MAF: variants seen among roughly 807,000 people sequenced by gnomAD.
MAF encodes the protein transcription factor Maf.
In MAF, 10 loss-of-function variants were observed where a neutral mutation model predicts 22.0. The ratio of observed to expected loss-of-function variants is 0.45; its 90% CI spans 0.28 to 0.77. The LOEUF is 0.77. MAF is among the 30% of genes least tolerant of loss of function. The pLI, the probability that MAF is intolerant of heterozygous loss-of-function variation, is 0.12. For synonymous variants in MAF, 337 were observed against 255.8 expected (o/e 1.32, Z -3.03); for missense variants, 544 against 548.4 (o/e 0.99, Z 0.08).
chr16:79,446,045 G>C, the MAF span, among the ~76,000 whole-genome samples: 2 of 151,692 alleles, frequency 1.3e-5, no homozygotes, highest in East Asian at 3.9e-4. Context: ...GAAATTGAAA[G>C]AAAGAAAAGA....
the MAF span, among the ~76,000 whole-genome samples, chr16:79,337,664 T>C: frequency 3.3e-5 from 5 of 152,182 alleles, no homozygotes; most frequent in African/African-American, 1.2e-4. Flanking sequence ...TCAAACATGA[T>C]TGTTAGGGGT....
chr16:79,341,127 C>G, the MAF span, among the ~76,000 whole-genome samples: 3 of 151,946 alleles, frequency 2.0e-5, no homozygotes, highest in Admixed American at 6.6e-5. Flanking sequence ...GGTGTGGGCA[C>G]ACAGTGGGCT....
the MAF span, among the ~76,000 whole-genome samples, chr16:79,414,198 T>A: frequency 6.6e-6 from 1 of 152,328 alleles, no homozygotes. Flanking sequence ...TGGTCCATTT[T>A]GTGTTGCTAC....
At chr16:79,504,305 C>T in the MAF span, among the ~76,000 whole-genome samples, 2 of 152,222 alleles carry the variant, frequency 1.3e-5, no homozygotes. Context: ...CTCCACCTGA[C>T]ACCAACTACC....
At chr16:79,262,602 T>C in the MAF span, among the ~76,000 whole-genome samples, 91 of 152,192 alleles carry the variant, frequency 6.0e-4, no homozygotes, top group Admixed American at 3.2e-3. Flanking sequence ...GTTCACAGCA[T>C]GGAAATGAGA....
At chr16:79,260,504 T>TATATCTATATCC in the MAF span, among the ~76,000 whole-genome samples, 1 of 151,946 alleles carries the variant, frequency 6.6e-6, no homozygotes, top group Non-Finnish European at 1.5e-5. Context: ...TATCTATATC[T>TATATCTATATCC]ATATATTTGT....
the MAF span, among the ~76,000 whole-genome samples, chr16:79,558,025 C>T: frequency 6.6e-6 from 1 of 151,772 alleles, no homozygotes; most frequent in East Asian, 1.9e-4. Context: ...ACACCAGCTT[C>T]TCTCATGCAC....
At chr16:79,485,703 C>A in the MAF span, among the ~76,000 whole-genome samples, 1 of 152,190 alleles carries the variant, frequency 6.6e-6, no homozygotes, top group East Asian at 1.9e-4. Context: ...TGCAATGTGT[C>A]TTCTCTGAGC....
the MAF span, among the ~76,000 whole-genome samples, chr16:79,356,347 T>C: frequency 1.8e-3 from 277 of 152,272 alleles, 4 homozygotes; most frequent in African/African-American, 6.3e-3. Context: ...CACATCATCA[T>C]CTCGGGTGTC....
chr16:79,450,241 T>C, the MAF span, among the ~76,000 whole-genome samples: 1 of 152,206 alleles, frequency 6.6e-6, no homozygotes, highest in Admixed American at 6.5e-5. Flanking sequence ...GTACAATTTA[T>C]AAAATTGTGA....
At chr16:79,516,825 G>A in the MAF span, among the ~76,000 whole-genome samples, 1 of 121,078 alleles carries the variant, frequency 8.3e-6, no homozygotes, top group Non-Finnish European at 1.7e-5. Context: ...GAAAGACAGA[G>A]CTAACGTCTC....
At chr16:79,571,530 A>ATTTTTTTTTTTTTTTTTTTTTTTTTT in the MAF span, among the ~76,000 whole-genome samples, 4 of 103,884 alleles carry the variant, frequency 3.9e-5, no homozygotes, top group African/African-American at 1.5e-4. Context: ...TCTCAGCGGA[A>ATTTTTTTTTTTTTTTTTTTTTTTTTT]TTTTTTTTTT....
At chr16:79,385,703 T>C in the MAF span, among the ~76,000 whole-genome samples, 1 of 152,088 alleles carries the variant, frequency 6.6e-6, no homozygotes, top group African/African-American at 2.4e-5. Context: ...GAGTTCAAGA[T>C]GAGCCTGGCC....
At chr16:79,466,010 G>C in the MAF span, among the ~76,000 whole-genome samples, 75 of 152,278 alleles carry the variant, frequency 4.9e-4, no homozygotes, top group African/African-American at 1.7e-3. Flanking sequence ...TTGAATAAAA[G>C]GATGAATGAA....
the MAF span, among the ~76,000 whole-genome samples, chr16:79,345,718 C>A: frequency 1.1e-5 from 1 of 94,172 alleles, no homozygotes; most frequent in Non-Finnish European, 1.9e-5. Context: ...CAGAGCAAGA[C>A]TCCGTCTCAA....
chr16:79,371,646 C>A, the MAF span, among the ~76,000 whole-genome samples: 1 of 152,272 alleles, frequency 6.6e-6, no homozygotes, highest in Non-Finnish European at 1.5e-5. Context: ...AATGCCTTTC[C>A]CTAAAAACCC....
At chr16:79,448,438 G>A in the MAF span, among the ~76,000 whole-genome samples, 3 of 139,272 alleles carry the variant, frequency 2.2e-5, no homozygotes, top group African/African-American at 8.3e-5. Context: ...TTTTGTTTTT[G>A]TTTTTGAGGA....
the MAF span, among the ~76,000 whole-genome samples, chr16:79,429,891 T>C: frequency 6.6e-6 from 1 of 152,088 alleles, no homozygotes; most frequent in Non-Finnish European, 1.5e-5. Context: ...AATTTGTAGG[T>C]CTTGCTGGAT....
the MAF span, among the ~76,000 whole-genome samples, chr16:79,222,898 A>T: frequency 6.6e-6 from 1 of 152,240 alleles, no homozygotes; most frequent in African/African-American, 2.4e-5. Context: ...AAAGAAACTT[A>T]GACTACCACA....
Sources: allele counts gnomAD v4.1 joint callset (sites outside exome capture counted in the v4.1 genomes callset), GRCh38; gene constraint gnomAD v4.1.1; transcripts MANE v1.5; gene names NCBI Gene and HGNC (gene_info 2026-07-23, HGNC 2026-07-21).